The following SOX5 variants were observed in gnomAD, a reference collection of about 807,000 sequenced individuals.
The protein encoded by SOX5 is transcription factor SOX-5.
In SOX5, 9 loss-of-function variants were observed where a neutral mutation model predicts 92.0. The ratio of observed to expected loss-of-function variants is 0.10; its 90% CI spans 0.06 to 0.17. The LOEUF (loss-of-function observed/expected upper bound fraction) is 0.17, where lower values mean the gene tolerates loss of function less well. Ranked by LOEUF, SOX5 falls within the 10% of genes least tolerant of loss-of-function variation. SOX5 has a pLI of 1.00. For missense variants in SOX5, 642 were observed against 944.5 expected, an observed-to-expected ratio of 0.68 and a Z score of 4.20; for synonymous variants, 344 against 336.3, an observed-to-expected ratio of 1.02 and a Z score of -0.25.
At chr12:24,095,893 C>A (rs1005064823) in intron 4 of SOX5, among the ~76,000 whole-genome samples, 4 of 152,174 alleles carry the variant, frequency 2.6e-5, no homozygotes, top group Non-Finnish European at 4.4e-5. Context: ...TGTAAGTTTC[C>A]TGAGGCCTCC....
chr12:23,637,694 T>C (rs1157048717), intron 8 of SOX5, among the ~76,000 whole-genome samples: 4 of 152,142 alleles, frequency 2.6e-5, no homozygotes, highest in African/African-American at 9.7e-5. Flanking sequence ...AAGCAAAAAC[T>C]TGAATGTTGT....
chr12:23,542,674 T>G (rs1263984223), intron 13 of SOX5, among the ~76,000 whole-genome samples: 3 of 152,226 alleles, frequency 2.0e-5, no homozygotes, highest in Non-Finnish European at 4.4e-5. Context: ...AAATGTACAC[T>G]CTACATCTTC....
chr12:23,836,319 T>C (rs2096413676), intron 3 of SOX5, among the ~76,000 whole-genome samples: 1 of 151,906 alleles, frequency 6.6e-6, no homozygotes, highest in Non-Finnish European at 1.5e-5. Context: ...TAGCATCCCA[T>C]TCAGTTAGAG....
intron 3 of SOX5, among the ~76,000 whole-genome samples, chr12:24,244,961 A>G (rs1938336691): frequency 6.6e-6 from 1 of 152,140 alleles, no homozygotes; most frequent in African/African-American, 2.4e-5. Flanking sequence ...CTGGGATTAC[A>G]GGCGTGAGTC....
chr12:24,407,836 C>A (rs1963298064), intron 1 of SOX5, among the ~76,000 whole-genome samples: 1 of 152,130 alleles, frequency 6.6e-6, no homozygotes, highest in Admixed American at 6.5e-5. Flanking sequence ...AATCCAGGAA[C>A]AACGTATAGA....
intron 2 of SOX5, among the ~76,000 whole-genome samples, chr12:23,859,286 TTAA>T (rs2096728079): frequency 6.6e-6 from 1 of 152,140 alleles, no homozygotes; most frequent in South Asian, 2.1e-4. Flanking sequence ...GCAAGGAATA[TTAA>T]TAATTGATAA....
chr12:24,544,781 C>A (rs1952459243), intron 1 of SOX5, among the ~76,000 whole-genome samples: 1 of 152,146 alleles, frequency 6.6e-6, no homozygotes, highest in Non-Finnish European at 1.5e-5. Flanking sequence ...ATTAAATTGC[C>A]AAATTCTGTC....
At chr12:23,590,515 C>T (rs938786106) in intron 9 of SOX5, among the ~76,000 whole-genome samples, 3 of 151,984 alleles carry the variant, frequency 2.0e-5, no homozygotes, top group Admixed American at 6.6e-5. Context: ...CCTTCTGGAA[C>T]CCTTTTCCTT....
chr12:23,797,236 A>G (rs1282055161), intron 3 of SOX5, among the ~76,000 whole-genome samples: 1 of 152,082 alleles, frequency 6.6e-6, no homozygotes, highest in African/African-American at 2.4e-5. Flanking sequence ...CAATCAGATT[A>G]ACAGAGATAC....
At chr12:24,048,345 T>C (rs191433241) in intron 4 of SOX5, among the ~76,000 whole-genome samples, 17 of 152,284 alleles carry the variant, frequency 1.1e-4, no homozygotes. Context: ...ATTAAAATGA[T>C]GAATTTCAGA....
At chr12:23,980,152 T>C (rs1949437091) in intron 4 of SOX5, among the ~76,000 whole-genome samples, 1 of 152,082 alleles carries the variant, frequency 6.6e-6, no homozygotes, top group Admixed American at 6.5e-5. Context: ...GCATTTCATA[T>C]ATTCTTTTCT....
intron 4 of SOX5, among the ~76,000 whole-genome samples, chr12:24,094,353 G>T (rs1945053235): frequency 1.3e-5 from 2 of 151,538 alleles, no homozygotes; most frequent in African/African-American, 4.9e-5. Context: ...TATTACCTTT[G>T]TCTGTTTTGC....
chr12:23,604,320 T>C (rs2074961402), intron 9 of SOX5, 67 bp downstream of exon 9: 2 of 1,557,924 alleles, frequency 1.3e-6, no homozygotes, highest in Non-Finnish European at 8.8e-7. Context: ...ACAATAGACA[T>C]TTAATAAATA....
At chr12:24,322,956 TTAC>T (rs1158607874) in intron 2 of SOX5, among the ~76,000 whole-genome samples, 1 of 152,128 alleles carries the variant, frequency 6.6e-6, no homozygotes, top group African/African-American at 2.4e-5. Flanking sequence ...AAACTATGTG[TTAC>T]TACTATTTTA....
chr12:23,793,175 T>G (rs1270407937), intron 3 of SOX5, among the ~76,000 whole-genome samples: 8 of 152,186 alleles, frequency 5.3e-5, no homozygotes, highest in Non-Finnish European at 1.0e-4. Flanking sequence ...CATTTGTATA[T>G]TTTTCATCAC....
At chr12:23,853,188 T>C (rs539218093) in intron 2 of SOX5, among the ~76,000 whole-genome samples, 1 of 150,866 alleles carries the variant, frequency 6.6e-6, no homozygotes, top group Non-Finnish European at 1.5e-5. Flanking sequence ...AATAGTCATT[T>C]TGGCATTTGT....
chr12:23,981,535 T>C (rs372767993), intron 4 of SOX5, among the ~76,000 whole-genome samples: 51 of 152,266 alleles, frequency 3.3e-4, no homozygotes, highest in African/African-American at 1.2e-3. Context: ...ATTTATTGCA[T>C]TTTTTCACTA....
intron 11 of SOX5, among the ~76,000 whole-genome samples, chr12:23,558,910 A>G (rs768295621): frequency 6.6e-6 from 1 of 152,162 alleles, no homozygotes; most frequent in African/African-American, 2.4e-5. Flanking sequence ...GCCATGAATC[A>G]CTATCTAAGC....
intron 4 of SOX5, among the ~76,000 whole-genome samples, chr12:24,146,918 A>G (rs528457891): frequency 6.6e-6 from 1 of 152,298 alleles, no homozygotes; most frequent in East Asian, 1.9e-4. Flanking sequence ...CAAACTATCA[A>G]TGCTCAATTA....
Sources: allele counts gnomAD v4.1 joint callset (sites outside exome capture counted in the v4.1 genomes callset), GRCh38; gene constraint gnomAD v4.1.1; transcripts MANE v1.5; gene names NCBI Gene and HGNC (gene_info 2026-07-23, HGNC 2026-07-21).